MUL1: variants seen among roughly 807,000 people sequenced by gnomAD.
The protein encoded by MUL1 is mitochondrial E3 ubiquitin protein ligase 1, also known as mitochondrial ubiquitin ligase activator of NFKB 1.
MUL1 carries 30 observed loss-of-function variants against 34.1 expected under a neutral mutation model. The ratio of observed to expected loss-of-function variants is 0.88; its 90% CI spans 0.66 to 1.19. The LOEUF (loss-of-function observed/expected upper bound fraction) is 1.19, where lower values mean the gene tolerates loss of function less well. Ranked by LOEUF, MUL1 falls within the 50% of genes most tolerant of loss-of-function variation. The pLI is 0.00. For missense variants in MUL1, 419 were observed against 450.5 expected (o/e 0.93, Z 0.63); for synonymous variants, 191 against 187.8 (o/e 1.02, Z -0.14).
chr1:20,504,017 A>G (rs978585778), intron 1 of MUL1, among the ~76,000 whole-genome samples: 1 of 151,982 alleles, frequency 6.6e-6, no homozygotes, highest in Non-Finnish European at 1.5e-5. Context: ...GGCCATAGGC[A>G]TGCACCACCA....
chr1:20,504,658 T>C (rs976283676), intron 1 of MUL1, among the ~76,000 whole-genome samples: 1 of 152,240 alleles, frequency 6.6e-6, no homozygotes, highest in African/African-American at 2.4e-5. Flanking sequence ...CTCCCTCCAC[T>C]AGAATGTTAA....
rs2101113657 is a variant in MUL1 at position 20,500,016 on chromosome 1, A to G, written c.*674T>C. 6.6e-6 allele frequency: 1 copy of G among 152,404 alleles called. No individual in the cohort carries two copies. Among genetic ancestry groups the G allele is most frequent in the South Asian group, 2.1e-4 (1 of 4,830 alleles). The allele number at this position is 152,404 out of a possible 1,614,324, so 9.4% of individuals were successfully genotyped here. A position where few individuals can be genotyped will look rare whatever the true frequency, so the allele number is the denominator to read the frequency against. On this transcript the variant is annotated 3_prime_UTR_variant, in exon 4 of 4. Transcript: ENST00000264198. ...GCCTGCCTGACCAACTGCCCTTCAC[A>G]TGATCTCTCTTCAATCTGTTGCCCG...
chr1:20,502,367 A>G (rs147507833), intron 2 of MUL1, among the ~76,000 whole-genome samples, 178 bp from the exon 3 acceptor site: 1 of 152,314 alleles, frequency 6.6e-6, no homozygotes, highest in African/African-American at 2.4e-5. Context: ...TGGTTAACAC[A>G]GTGAGATTCC....
In MUL1 at chr1:20,505,025, C is replaced by A. The variant is rs137947928; in HGVS notation, c.121-1716G>T. ...AGAGGGAGAATATGATCAGAAAGATCTGGAGTTTAATCTAGCGCCAATGCA... is the reference window on the plus strand; with the variant it reads ...AGAGGGAGAATATGATCAGAAAGATATGGAGTTTAATCTAGCGCCAATGCA... On this transcript the variant is annotated intron_variant, in intron 1 of 3. Coordinates refer to ENST00000264198, the MANE Select transcript of MUL1 (RefSeq NM_024544.3). Among the ~76,000 whole-genome samples, 3 of 152,298 alleles carry A rather than the reference C, an allele frequency of 2.0e-5. No homozygotes were observed. The East Asian group carries it at 5.8e-4, about 29-fold the overall frequency.
intron 2 of MUL1, among the ~76,000 whole-genome samples, 155 bp downstream of exon 2, chr1:20,503,067 G>A (rs2641114): frequency 0.44 from 66,702 of 151,788 alleles, 14,795 homozygotes; most frequent in Middle Eastern, 0.53. Flanking sequence ...TAATCTTAGC[G>A]ATCACAAAGC....
In MUL1 at chr1:20,500,567, T is replaced by TCC. The variant is rs1474013956; in HGVS notation, c.*121_*122dup. 1 of 1,303,146 alleles carries TCC rather than the reference T, an allele frequency of 7.7e-7. No homozygotes were observed. The highest frequency in any genetic ancestry group is 1.0e-6 in the Non-Finnish European group (1 of 957,922). The allele number at this position is 1,303,146 out of a possible 1,614,324, so 80.7% of individuals were successfully genotyped here. ...GTCTGGAGAGTTTCTACCCAATTCC[T>TCC]CCCTCAATCATACCTGGAGGTGACA... On this transcript the variant is annotated 3_prime_UTR_variant, in exon 4 of 4. Coordinates refer to ENST00000264198, the MANE Select transcript of MUL1 (RefSeq NM_024544.3).
In MUL1 at chr1:20,500,836, A is replaced by G; in HGVS notation, c.913T>C (p.Cys305Arg). 25 of 1,614,140 alleles carry G rather than the reference A, an allele frequency of 1.5e-5. No homozygotes were observed. The highest frequency in any genetic ancestry group is 2.0e-5 in the Non-Finnish European group (24 of 1,180,020). Reference sequence around the variant, plus strand: ...ACGCAGGACTTGAAGCTGCTCAGACACACTACACAGGCGCTCTTCAGACTC... The same window carrying G: ...ACGCAGGACTTGAAGCTGCTCAGACGCACTACACAGGCGCTCTTCAGACTC... ...RESLKSACVV[C>R]LSSFKSCVFL... The change falls in exon 4 of 4, where the codon TGT becomes CGT. Residue 305 changes from cysteine (C) to arginine (R), a missense_variant. Coordinates refer to ENST00000264198, the MANE Select transcript of MUL1 (RefSeq NM_024544.3).
intron 1 of MUL1, 26 bp downstream of exon 1, chr1:20,507,879 G>T: frequency 6.3e-7 from 1 of 1,592,644 alleles, no homozygotes; most frequent in Non-Finnish European, 8.5e-7. Flanking sequence ...TGACCCGGCT[G>T]AGGCCAGGCC....
At position 20,500,798 on chromosome 1, in the gene MUL1, A is replaced by C; in HGVS notation, c.951T>G (p.Cys317Trp). The C allele has an allele frequency of 6.2e-7, 1 of 1,614,180 alleles. No homozygotes were observed. Among genetic ancestry groups the C allele is most frequent in the Non-Finnish European group, 8.5e-7 (1 of 1,180,052 alleles). The change falls in exon 4 of 4, where the codon TGT becomes TGG. Residue 317 changes from cysteine to tryptophan, a missense_variant. Physicochemically the swap from Cys to Trp is radical, Grantham distance 215. Transcript: ENST00000264198. ...SSFKSCVFLE[C>W]GHVCSCTECY... ...ACTCGGTGCAGGAACAAACGTGCCC[A>C]CACTCCAGAAAGACGCAGGACTTGA...
At chr1:20,504,873 C>T (rs755012272) in intron 1 of MUL1, among the ~76,000 whole-genome samples, 14 of 152,208 alleles carry the variant, frequency 9.2e-5, no homozygotes, top group Admixed American at 7.9e-4. Flanking sequence ...CATCCCTTTA[C>T]GGTAGACATT....
chr1:20,501,969 T>C lies in MUL1; in HGVS notation c.329+100A>G. The C allele has an allele frequency of 6.8e-7, 1 of 1,470,482 alleles. No homozygotes were observed. The highest frequency in any genetic ancestry group is 9.4e-7 in the Non-Finnish European group (1 of 1,061,906). The allele number at this position is 1,470,482 out of a possible 1,614,324, so 91.1% of individuals were successfully genotyped here. On this transcript the variant is annotated intron_variant, in intron 3 of 3. Coordinates refer to ENST00000264198, the MANE Select transcript of MUL1 (RefSeq NM_024544.3). This position sits in a 1 kb window ranked among gnomAD's most constrained non-coding sequence, Gnocchi z 4.2. ...TGCATTAAGAGACTGGGCTTCAACC[T>C]GTCTCAGGAGAAGCTGAAGTCACGG...
rs1314894061 is a variant in MUL1, at chr1:20,501,519, G to T, written c.330-100C>A. On this transcript the variant is annotated intron_variant, in intron 3 of 3. Transcript: ENST00000264198. The surrounding 1 kb of genome is among the most constrained non-coding windows in gnomAD (Gnocchi z 4.2). ...TGTGGAGGACAGCATATGGTCTGAA[G>T]TAACTGGAAGAAGACAGTAAGATCA... 9.7e-6 allele frequency: 13 copies of T among 1,339,092 alleles called. No individual in the cohort carries two copies. Among genetic ancestry groups the T allele is most frequent in the Non-Finnish European group, 1.3e-5 (13 of 984,778 alleles). The allele number at this position is 1,339,092 out of a possible 1,614,324, so 83.0% of individuals were successfully genotyped here.
In MUL1 at chr1:20,508,116, C is replaced by A. The variant is rs987005523; in HGVS notation, c.-92G>T. On this transcript the variant is annotated 5_prime_UTR_variant, in exon 1 of 4. Transcript: ENST00000264198. ...CCTCCTTCCGACCAGGACCGCACCC[C>A]CCCGGCCTAACCTGACCGGAAACTC... 8 of 1,496,514 alleles carry A rather than the reference C, an allele frequency of 5.3e-6. No homozygotes were observed. Among genetic ancestry groups the A allele is most frequent in the South Asian group, 3.8e-5 (3 of 78,504 alleles). 92.7% of individuals were successfully genotyped at this position (1,496,514 alleles called of 1,614,324 possible). A position where few individuals can be genotyped will look rare whatever the true frequency, so the allele number is the denominator to read the frequency against.
At position 20,503,246 on chromosome 1, in the gene MUL1, AT is replaced by A; in HGVS notation, c.183del (p.Lys61AsnfsTer8). ...CCTTCTATAACAGCATAAGGCACGC[AT>A]TTTCCTGGAGCTTCTGAAAGAATAC... is the stretch of plus-strand genomic sequence containing the variant. Reference protein sequence around the residue: ...LKSILSEAPGKCVPYAVIEGA... With the variant: ...LKSILSEAPGXCVPYAVIEGA... On this transcript the variant is annotated frameshift_variant, in exon 2 of 4. Transcript: ENST00000264198. LOFTEE classifies it high-confidence loss of function. 1 of 1,610,316 alleles carries A rather than the reference AT, an allele frequency of 6.2e-7. No homozygotes were observed. Among genetic ancestry groups the A allele is most frequent in the Admixed American group, 1.7e-5 (1 of 59,462 alleles).
At position 20,507,955 on chromosome 1, in the gene MUL1, C is replaced by G; in HGVS notation, c.70G>C (p.Ala24Pro). 6.3e-7 allele frequency: 1 copy of G among 1,595,840 alleles called. No homozygotes were observed. The change falls in exon 1 of 4, where the codon GCC becomes CCC. Residue 24 changes from alanine (A) to proline (P), a missense_variant. Physicochemically the swap from Ala to Pro is conservative, Grantham distance 27. Transcript: ENST00000264198. Reference sequence around the variant, plus strand: ...TTCTGCCGGTACACGGAGTACAGGGCGGCGGTGACCACAGAGGTGGTGCCC... The same window carrying G: ...TTCTGCCGGTACACGGAGTACAGGGGGGCGGTGACCACAGAGGTGGTGCCC... ...LLGTTSVVTA[A>P]LYSVYRQKAR...
intron 1 of MUL1, among the ~76,000 whole-genome samples, chr1:20,505,662 C>A: frequency 1.4e-5 from 2 of 139,946 alleles, no homozygotes; most frequent in South Asian, 2.4e-4. Flanking sequence ...GAAGGAAGGC[C>A]AAAGAGAAAG....
rs541529027 is a variant in MUL1, at chr1:20,500,908, C to T, written c.841G>A (p.Glu281Lys). 6.2e-7 allele frequency: 1 copy of T among 1,614,146 alleles called. No homozygotes were observed. Among genetic ancestry groups the T allele is most frequent in the South Asian group, 1.1e-5 (1 of 91,080 alleles). ...CGGCTCAGCAGCTGGGCCTCATGCT[C>T]CTGGAACTCCTCCTGCATCTGCTTG... The part of the protein sequence containing the change: ...RLKQMQEEFQ[E>K]HEAQLLSRAK... Residue 281 changes from glutamate (E) to lysine (K), a missense_variant, in exon 4 of 4, where the codon GAG becomes AAG. Coordinates refer to ENST00000264198, the MANE Select transcript of MUL1 (RefSeq NM_024544.3).
intron 2 of MUL1, among the ~76,000 whole-genome samples, 186 bp downstream of exon 2, chr1:20,503,036 C>T (rs1471688792): frequency 1.3e-5 from 2 of 152,076 alleles, no homozygotes; most frequent in Non-Finnish European, 2.9e-5. Context: ...GATCAGGCAA[C>T]AGTGGTTCAG....
rs1163858188 is a variant in MUL1 at position 20,500,416 on chromosome 1, C to T, written c.*274G>A. 5.4e-5 allele frequency: 20 copies of T among 373,784 alleles called. No homozygotes were observed. The highest frequency in any genetic ancestry group is 8.3e-5 in the Non-Finnish European group (17 of 205,296). 23.2% of individuals were successfully genotyped at this position (373,784 alleles called of 1,614,324 possible). A position where few individuals can be genotyped will look rare whatever the true frequency, so the allele number is the denominator to read the frequency against. On this transcript the variant is annotated 3_prime_UTR_variant, in exon 4 of 4. Transcript: ENST00000264198. ...GTGATGAGGCATTTTCAGTCACACT[C>T]GCACTGATCTGGCTCCTGGGAGGAG...
Sources: gnomAD v4.1 joint callset for allele counts (sites outside exome capture counted in the v4.1 genomes callset) on GRCh38, gnomAD v4.1.1 for gene constraint, Gnocchi (gnomAD v3.1) non-coding constraint, MANE v1.5 for transcripts, NCBI Gene and HGNC (gene_info 2026-07-23, HGNC 2026-07-21) for gene names.